ADGRL3: variants seen among roughly 807,000 people sequenced by gnomAD.
The protein encoded by ADGRL3 is adhesion G protein-coupled receptor L3.
In ADGRL3, 62 loss-of-function variants were observed where a neutral mutation model predicts 153.5. The ratio of observed to expected loss-of-function variants is 0.40; its 90% CI spans 0.33 to 0.50. The LOEUF is 0.50. Ranked by LOEUF, ADGRL3 falls within the 20% of genes least tolerant of loss-of-function variation. The pLI is 0.47. For missense variants in ADGRL3, 1,641 were observed against 1,859.4 expected (o/e 0.88, Z 2.16); for synonymous variants, 710 against 672.5 (o/e 1.06, Z -0.86).
At chr4:61,435,744 A>T (rs1214920633) in intron 2 of ADGRL3, among the ~76,000 whole-genome samples, 1 of 152,032 alleles carries the variant, frequency 6.6e-6, no homozygotes, top group Admixed American at 6.6e-5. Flanking sequence ...TCCATAAAAC[A>T]GTCAGTGAAA....
intron 1 of ADGRL3, among the ~76,000 whole-genome samples, chr4:61,348,827 T>C (rs1256557198): frequency 6.6e-6 from 1 of 152,140 alleles, no homozygotes; most frequent in African/African-American, 2.4e-5. Flanking sequence ...TTAAATAAAT[T>C]ATTTCTTTGT....
rs141719543 is a variant in ADGRL3 at position 61,707,517 on chromosome 4, T to G, written c.584-23105T>G. On this transcript the variant is annotated intron_variant, in intron 6 of 26. Transcript: ENST00000683033. ...AACAACTTGTCCATTTCTTTTAATA[T>G]GCCTAGTTAGTTCATATTATTTTTT... Among the ~76,000 whole-genome samples the G allele has an allele frequency of 3.9e-3, 590 of 152,316 alleles. 3 individuals are homozygous for G. Among genetic ancestry groups the G allele is most frequent in the African/African-American group, 0.013 (549 of 41,584 alleles).
chr4:61,905,956 A>T (rs1040748099), intron 11 of ADGRL3, among the ~76,000 whole-genome samples: 12 of 151,822 alleles, frequency 7.9e-5, no homozygotes, highest in Admixed American at 7.9e-4. Flanking sequence ...ATTGTTTAAC[A>T]TATTTTTCAT....
At chr4:61,619,545 A>T (rs1426604814) in intron 5 of ADGRL3, among the ~76,000 whole-genome samples, 1 of 150,590 alleles carries the variant, frequency 6.6e-6, no homozygotes, top group Middle Eastern at 3.2e-3. Flanking sequence ...ACACACACAC[A>T]CACTCTAATC....
At chr4:61,858,361 G>A (rs1337667020) in intron 9 of ADGRL3, among the ~76,000 whole-genome samples, 100 of 152,120 alleles carry the variant, frequency 6.6e-4, no homozygotes, top group Admixed American at 6.3e-3. Flanking sequence ...GGTGGCTCAC[G>A]CCTGTAATCC....
chr4:62,059,878 G>GTT (rs757286117), intron 25 of ADGRL3, among the ~76,000 whole-genome samples: 26 of 152,094 alleles, frequency 1.7e-4, no homozygotes, highest in Non-Finnish European at 3.4e-4. Context: ...CAGATTAATA[G>GTT]TTTCACTGAT....
At chr4:61,981,945 C>T (rs1581735160) in intron 18 of ADGRL3, among the ~76,000 whole-genome samples, 1 of 152,090 alleles carries the variant, frequency 6.6e-6, no homozygotes, top group Admixed American at 6.5e-5. Context: ...GACAGCTTTC[C>T]CCATAAATGC....
intron 2 of ADGRL3, among the ~76,000 whole-genome samples, chr4:61,467,508 T>C (rs1310099383): frequency 6.7e-6 from 1 of 150,046 alleles, no homozygotes; most frequent in Middle Eastern, 3.4e-3. Context: ...GAGAGAGAGA[T>C]GAAGGGAGGG....
intron 12 of ADGRL3, 150 bp from the exon 13 acceptor site, chr4:61,912,569 C>A: frequency 1.6e-6 from 1 of 633,908 alleles, no homozygotes; most frequent in Non-Finnish European, 2.7e-6. Flanking sequence ...TTACATTTTG[C>A]TGCTGCTTAG....
At chr4:61,660,995 C>A (rs1023130891) in intron 5 of ADGRL3, among the ~76,000 whole-genome samples, 1 of 151,970 alleles carries the variant, frequency 6.6e-6, no homozygotes, top group African/African-American at 2.4e-5. Flanking sequence ...AGTAACCCAT[C>A]ATTTATTGAA....
At chr4:61,311,946 CA>C (rs797014905) in intron 1 of ADGRL3, among the ~76,000 whole-genome samples, 1 of 152,202 alleles carries the variant, frequency 6.6e-6, no homozygotes, top group African/African-American at 2.4e-5. Flanking sequence ...GTACCACTCT[CA>C]TGTGGGATGT....
chr4:61,507,720 C>A (rs978159830), intron 3 of ADGRL3, among the ~76,000 whole-genome samples: 1 of 152,040 alleles, frequency 6.6e-6, no homozygotes, highest in South Asian at 2.1e-4. Flanking sequence ...CATTAAAAAG[C>A]AAAACAGTTC....
chr4:61,998,453 G>A (rs910170708), intron 21 of ADGRL3, among the ~76,000 whole-genome samples, 188 bp downstream of exon 21: 6 of 151,772 alleles, frequency 4.0e-5, no homozygotes, highest in African/African-American at 1.5e-4. Flanking sequence ...ATAGAGTTCT[G>A]TTTTCAAAGA....
chr4:61,481,506 C>T (rs1054044155), intron 2 of ADGRL3, among the ~76,000 whole-genome samples: 1 of 151,942 alleles, frequency 6.6e-6, no homozygotes. Context: ...AAAAAACGCA[C>T]TCTTGACAAA....
intron 4 of ADGRL3, among the ~76,000 whole-genome samples, chr4:61,549,476 T>G (rs1192247208): frequency 6.6e-6 from 1 of 152,034 alleles, no homozygotes; most frequent in Non-Finnish European, 1.5e-5. Context: ...CTCCTCATTT[T>G]TGCCTGAGAA....
chr4:61,366,145 A>AG (rs1313296058), intron 1 of ADGRL3, among the ~76,000 whole-genome samples: 1 of 152,118 alleles, frequency 6.6e-6, no homozygotes, highest in Non-Finnish European at 1.5e-5. Context: ...TCTTTAAAAA[A>AG]AAGAAATAAT....
At chr4:61,842,636 C>T (rs952052955) in intron 9 of ADGRL3, among the ~76,000 whole-genome samples, 1 of 152,030 alleles carries the variant, frequency 6.6e-6, no homozygotes, top group Non-Finnish European at 1.5e-5. Flanking sequence ...TAAAAAAAAT[C>T]GACTATGTCA....
At chr4:61,290,373 A>G (rs991695568) in intron 1 of ADGRL3, among the ~76,000 whole-genome samples, 16 of 152,146 alleles carry the variant, frequency 1.1e-4, no homozygotes, top group African/African-American at 3.9e-4. Context: ...AATTTATTAC[A>G]TTGTCATATC....
intron 25 of ADGRL3, among the ~76,000 whole-genome samples, chr4:62,064,568 A>T (rs1741951974): frequency 2.0e-5 from 3 of 151,992 alleles, no homozygotes; most frequent in African/African-American, 7.2e-5. Flanking sequence ...AATTACAAAG[A>T]GACTTCCATG....
Sources: allele counts gnomAD v4.1 joint callset (sites outside exome capture counted in the v4.1 genomes callset), GRCh38; gene constraint gnomAD v4.1.1; transcripts MANE v1.5; gene names NCBI Gene and HGNC (gene_info 2026-07-23, HGNC 2026-07-21).